The following GRIN2A variants were observed in gnomAD, a reference collection of about 807,000 sequenced individuals.
The protein encoded by GRIN2A is glutamate ionotropic receptor NMDA type subunit 2A.
In GRIN2A, 22 loss-of-function variants were observed where a neutral mutation model predicts 113.4. The ratio of observed to expected loss-of-function variants is 0.19; its 90% CI spans 0.14 to 0.28. The LOEUF (loss-of-function observed/expected upper bound fraction) is 0.28. GRIN2A is among the 10% of genes least tolerant of loss of function. GRIN2A has a pLI of 1.00. For synonymous variants in GRIN2A, 827 were observed against 738.4 expected (o/e 1.12, Z -1.94); for missense variants, 1,502 against 1,887.0 (o/e 0.80, Z 3.78).
chr16:9,807,057 A>C (rs62034938), intron 10 of GRIN2A, among the ~76,000 whole-genome samples: 1 of 150,948 alleles, frequency 6.6e-6, no homozygotes, highest in Non-Finnish European at 1.5e-5. Context: ...CATGTAAGAC[A>C]TGCCTTTCAC....
intron 2 of GRIN2A, among the ~76,000 whole-genome samples, chr16:9,973,823 C>G (rs1046723432): frequency 6.6e-6 from 1 of 152,048 alleles, no homozygotes; most frequent in African/African-American, 2.4e-5. Context: ...TGAAAATGCC[C>G]TTCAAGAATG....
At position 9,875,486 on chromosome 16, in the gene GRIN2A, C is replaced by T. The variant is rs145221094; in HGVS notation, c.1122+15500G>A. Among the ~76,000 whole-genome samples the T allele has an allele frequency of 7.4e-3, 1,132 of 152,276 alleles. 5 individuals carry two copies. The highest frequency in any genetic ancestry group is 0.014 in the Middle Eastern group (4 of 294). On this transcript the variant is annotated intron_variant, in intron 4 of 12. Coordinates refer to ENST00000330684, the MANE Select transcript of GRIN2A (RefSeq NM_001134407.3). ...CTACAGAGGCAGGCTGACAGAGCCA[C>T]TTGTAGCCAGAAGCAGATTGCTGGG...
chr16:10,122,076 C>T (rs1288747044), intron 2 of GRIN2A, among the ~76,000 whole-genome samples: 1 of 152,174 alleles, frequency 6.6e-6, no homozygotes, highest in African/African-American at 2.4e-5. Flanking sequence ...GTTTATTCAG[C>T]GCCCTTCTGG....
Position 9,849,944 on chromosome 16 carries a change from G to A in GRIN2A, c.1140C>T (p.Asn380=), listed in dbSNP as rs992193272. ...CGGCGTGCCTCAGGCTCAGCGTATG[G>A]TTCTCCCACTTGCCCACCTGCAGCA... ...REWEKVGKWE[N]HTLSLRHAVW... The change falls in exon 5 of 13, where the codon AAC becomes AAT. Residue 380 remains asparagine (N), a synonymous_variant. Transcript: ENST00000330684. 1 of 1,613,942 alleles carries A rather than the reference G, an allele frequency of 6.2e-7. No individual in the cohort carries two copies. The highest frequency in any genetic ancestry group is 1.1e-5 in the South Asian group (1 of 91,082).
At chr16:10,134,281 T>C (rs1166378475) in intron 2 of GRIN2A, among the ~76,000 whole-genome samples, 4 of 151,634 alleles carry the variant, frequency 2.6e-5, no homozygotes, top group African/African-American at 9.7e-5. Flanking sequence ...TCCTCTCCCA[T>C]CTCTGTCCTT....
intron 2 of GRIN2A, among the ~76,000 whole-genome samples, chr16:10,048,248 G>A (rs1194046758): frequency 6.6e-6 from 1 of 152,106 alleles, no homozygotes; most frequent in Middle Eastern, 3.2e-3. Context: ...GTTAATATTT[G>A]TCTAATACTT....
At position 9,764,788 on chromosome 16, in the gene GRIN2A, T is replaced by C; in HGVS notation, c.2756A>G (p.Lys919Arg). 2 of 1,614,216 alleles carry C rather than the reference T, an allele frequency of 1.2e-6. No homozygotes were observed. Among genetic ancestry groups the C allele is most frequent in the Non-Finnish European group, 1.7e-6 (2 of 1,180,028 alleles). ...NMNSSRMDSP[K>R]RAADFIQRGS... is the part of the protein sequence containing the mutation. ...TCTTTGGATGAAGTCAGCAGCTCTT[T>C]TGGGTGAGTCCATTCTTGAGGAGTT... Residue 919 changes from lysine to arginine, a missense_variant, in exon 13 of 13, where the codon AAA (lysine) becomes AGA (arginine). Physicochemically the swap from Lys to Arg is conservative, Grantham distance 26. Around this residue, in one of 7 missense-constraint regions of GRIN2A, gnomAD observed 832 missense variants for 789.7 expected, o/e 1.05. Coordinates refer to ENST00000330684, the MANE Select transcript of GRIN2A (RefSeq NM_001134407.3).
chr16:10,138,937 G>C (rs2142246921), intron 2 of GRIN2A, among the ~76,000 whole-genome samples: 1 of 152,310 alleles, frequency 6.6e-6, no homozygotes, highest in South Asian at 2.1e-4. Flanking sequence ...TAAGGTCTGA[G>C]TACCTAGATT....
intron 2 of GRIN2A, among the ~76,000 whole-genome samples, chr16:10,042,769 T>G (rs76570431): frequency 1.7e-3 from 257 of 152,240 alleles, no homozygotes; most frequent in Middle Eastern, 6.8e-3. Flanking sequence ...GGGGAAACAT[T>G]TACTAACTCA....
chr16:9,817,025 T>G (rs2042198716), intron 10 of GRIN2A, among the ~76,000 whole-genome samples: 1 of 152,188 alleles, frequency 6.6e-6, no homozygotes, highest in African/African-American at 2.4e-5. Flanking sequence ...TCTCACTGAT[T>G]TGTCTGATAA....
chr16:9,983,092 T>A (rs1473545106), intron 2 of GRIN2A, among the ~76,000 whole-genome samples: 1 of 152,168 alleles, frequency 6.6e-6, no homozygotes, highest in Non-Finnish European at 1.5e-5. Flanking sequence ...ATCCATCACC[T>A]CAAACTTGTC....
At chr16:9,958,002 T>C (rs2045345343) in intron 2 of GRIN2A, among the ~76,000 whole-genome samples, 1 of 152,190 alleles carries the variant, frequency 6.6e-6, no homozygotes, top group South Asian at 2.1e-4. Context: ...TCCTCTCAGT[T>C]ATACCAGGAA....
chr16:9,987,370 G>T (rs956713477), intron 2 of GRIN2A, among the ~76,000 whole-genome samples: 1 of 151,922 alleles, frequency 6.6e-6, no homozygotes, highest in African/African-American at 2.4e-5. Context: ...AGAAACTATG[G>T]AAGCAAAAAA....
intron 10 of GRIN2A, among the ~76,000 whole-genome samples, chr16:9,820,720 C>T (rs192023628): frequency 7.9e-5 from 12 of 152,042 alleles, no homozygotes; most frequent in East Asian, 3.9e-4. Flanking sequence ...GTGCAGGTGG[C>T]GGGTGGAAGA....
rs755529184 is a variant in GRIN2A at position 10,179,989 on chromosome 16, C to A, written c.414+9G>T. 1.9e-6 allele frequency: 3 copies of A among 1,613,000 alleles called. No homozygotes were observed. Among genetic ancestry groups the A allele is most frequent in the Non-Finnish European group, 2.5e-6 (3 of 1,179,178 alleles). On this transcript the variant is annotated intron_variant, in intron 2 of 12. Coordinates refer to ENST00000330684, the MANE Select transcript of GRIN2A (RefSeq NM_001134407.3). ...CAGGTCCTGGCAGGGCATCAGTTTC[C>A]GGCCTTACCTTGTCAGCCATGATCA... is the stretch of plus-strand genomic sequence containing the variant.
intron 2 of GRIN2A, among the ~76,000 whole-genome samples, chr16:10,131,762 G>C (rs1235235721): frequency 3.9e-5 from 6 of 152,114 alleles, no homozygotes; most frequent in Non-Finnish European, 5.9e-5. Flanking sequence ...CTTTTTGCTT[G>C]TAACACACTT....
At chr16:10,126,363 C>T (rs2048936221) in intron 2 of GRIN2A, among the ~76,000 whole-genome samples, 2 of 151,906 alleles carry the variant, frequency 1.3e-5, no homozygotes, top group South Asian at 2.1e-4. Flanking sequence ...AGGGGGGTCT[C>T]GCTATGTTAC....
chr16:10,072,154 T>A (rs1018893920), intron 2 of GRIN2A, among the ~76,000 whole-genome samples: 5 of 152,148 alleles, frequency 3.3e-5, no homozygotes, highest in African/African-American at 1.2e-4. Context: ...ATCGTGAGAG[T>A]GAGCAAAGAT....
At chr16:9,996,221 G>A (rs138847322) in intron 2 of GRIN2A, among the ~76,000 whole-genome samples, 2 of 152,044 alleles carry the variant, frequency 1.3e-5, no homozygotes, top group Non-Finnish European at 2.9e-5. Context: ...ACAGAGTTAC[G>A]TAGGGTGGAA....
Sources: gnomAD v4.1 joint callset for allele counts (sites outside exome capture counted in the v4.1 genomes callset) on GRCh38, gnomAD v4.1.1 for gene constraint, gnomAD v4.1.1 regional missense constraint, MANE v1.5 for transcripts, NCBI Gene and HGNC (gene_info 2026-07-23, HGNC 2026-07-21) for gene names.